The following ACTA2 variants were observed in gnomAD, a reference collection of about 807,000 sequenced individuals.
ACTA2 encodes actin alpha 2, smooth muscle, also known as actin, aortic smooth muscle.
A neutral mutation model predicts 39.5 loss-of-function variants in ACTA2; 12 were observed. The observed-to-expected ratio is 0.30, with a 90% CI of 0.19 to 0.49. ACTA2 has a LOEUF of 0.49. ACTA2 is among the 20% of genes least tolerant of loss of function. The pLI, the probability that ACTA2 is intolerant of heterozygous loss-of-function variation, is 0.99. For synonymous variants in ACTA2, 158 were observed against 180.6 expected, an observed-to-expected ratio of 0.88 and a Z score of 1.00; for missense variants, 236 against 498.8, an observed-to-expected ratio of 0.47 and a Z score of 5.02.
chr10:88,944,964 C>A (rs749179127), intron 3 of ACTA2, among the ~76,000 whole-genome samples: 11 of 152,204 alleles, frequency 7.2e-5, no homozygotes, highest in Admixed American at 1.3e-4. Context: ...TAAAGACTAT[C>A]TTATTCCACT....
chr10:88,935,085 C>G lies in ACTA2; in HGVS notation c.*138G>C. The G allele has an allele frequency of 8.0e-7, 1 of 1,253,358 alleles. No homozygotes were observed. Among genetic ancestry groups the G allele is most frequent in the Non-Finnish European group, 1.1e-6 (1 of 883,774 alleles). The allele number at this position is 1,253,358 out of a possible 1,614,324, so 77.6% of individuals were successfully genotyped here. A position where few individuals can be genotyped will look rare whatever the true frequency, so the allele number is the denominator to read the frequency against. Reference sequence around the variant, plus strand: ...GCCAACGCAAGAAGTTACCAGTAGCCTATTTCAGATTTATTAAAAAACACA... The same window carrying G: ...GCCAACGCAAGAAGTTACCAGTAGCGTATTTCAGATTTATTAAAAAACACA... On this transcript the variant is annotated 3_prime_UTR_variant, in exon 9 of 9. Coordinates refer to ENST00000224784, the MANE Select transcript of ACTA2 (RefSeq NM_001613.4).
intron 1 of ACTA2, among the ~76,000 whole-genome samples, chr10:88,960,419 C>T (rs1846207101): frequency 6.6e-6 from 1 of 152,070 alleles, no homozygotes; most frequent in South Asian, 2.1e-4. Flanking sequence ...GATCACTGCT[C>T]CTCTAAACGC....
intron 1 of ACTA2, among the ~76,000 whole-genome samples, chr10:88,962,908 GCC>G (rs751814100): frequency 1.9e-4 from 21 of 110,746 alleles, no homozygotes; most frequent in Non-Finnish European, 3.9e-4. Context: ...GCAGGGGAAT[GCC>G]CCATATATAT....
Position 88,935,370 on chromosome 10 carries a change from T to G in ACTA2, c.991-4A>C, listed in dbSNP as rs761599964. The G allele has an allele frequency of 8.7e-6, 14 of 1,613,626 alleles. No homozygotes were observed. The highest frequency in any genetic ancestry group is 1.2e-5 in the Non-Finnish European group (14 of 1,179,668). ...TGCGCTCCGGAGGGGCAATGATCTG[T>G]CAGTCAAGATGAAAAAGAATGGTCA... On this transcript the variant is annotated splice_polypyrimidine_tract_variant and splice_region_variant and intron_variant, in intron 8 of 8. Transcript: ENST00000224784.
At chr10:88,969,776 C>T (rs369443693) in intron 1 of ACTA2, among the ~76,000 whole-genome samples, 2 of 152,114 alleles carry the variant, frequency 1.3e-5, no homozygotes, top group Non-Finnish European at 1.5e-5. Flanking sequence ...TTATTTCATT[C>T]GTATACATCT....
intron 1 of ACTA2, among the ~76,000 whole-genome samples, chr10:88,963,078 C>T (rs12777240): frequency 0.41 from 61,874 of 149,720 alleles, 13,559 homozygotes; most frequent in Non-Finnish European, 0.48. Context: ...GAGAACAGCA[C>T]AGAAAAGACC....
chr10:88,954,249 C>T (rs116269507), upstream of ACTA2, among the ~76,000 whole-genome samples: 225 of 152,242 alleles, frequency 1.5e-3, 1 homozygote, highest in African/African-American at 5.3e-3. Context: ...CATATACATA[C>T]ATATATATCT....
chr10:88,948,598 T>C (rs1257948580), intron 2 of ACTA2: 1 of 625,762 alleles, frequency 1.6e-6, no homozygotes, highest in East Asian at 2.9e-5. Context: ...GGGGCAGACT[T>C]TGTATCTGAT....
upstream of ACTA2, among the ~76,000 whole-genome samples, chr10:88,955,034 G>GAAAAAAAAAAAAAAAAAAAAAAAAA (rs1846114237): frequency 1.5e-5 from 2 of 137,074 alleles, no homozygotes; most frequent in African/African-American, 2.7e-5. Context: ...AAAAAAAAAA[G>GAAAAAAAAAAAAAAAAAAAAAAAAA]AAGAAGAAGG....
chr10:88,957,095 G>C (rs781280750), upstream of ACTA2, among the ~76,000 whole-genome samples: 20 of 152,236 alleles, frequency 1.3e-4, no homozygotes, highest in Admixed American at 3.9e-4. Context: ...AGACACTTAA[G>C]ACACGGTACA....
At chr10:88,935,840 GCT>G (rs1441759460) in intron 8 of ACTA2, among the ~76,000 whole-genome samples, 10 of 152,192 alleles carry the variant, frequency 6.6e-5, no homozygotes, top group African/African-American at 2.2e-4. Flanking sequence ...TCACCCAGAT[GCT>G]CTGTTTAACA....
At chr10:88,961,566 G>A (rs2133299181) in intron 1 of ACTA2, among the ~76,000 whole-genome samples, 1 of 152,276 alleles carries the variant, frequency 6.6e-6, no homozygotes, top group Admixed American at 6.5e-5. Flanking sequence ...CACATCAGAG[G>A]AAGACATAAC....
chr10:88,937,611 C>T (rs1415096297), intron 8 of ACTA2, among the ~76,000 whole-genome samples: 5 of 152,134 alleles, frequency 3.3e-5, no homozygotes, highest in Admixed American at 2.6e-4. Flanking sequence ...GAATTCTTGG[C>T]CACAGGATTG....
At chr10:88,951,567 T>C (rs755717124) in intron 1 of ACTA2, among the ~76,000 whole-genome samples, 2 of 152,162 alleles carry the variant, frequency 1.3e-5, no homozygotes, top group Non-Finnish European at 2.9e-5. Flanking sequence ...AGCACTGTCA[T>C]TGAAGAAGTC....
intron 1 of ACTA2, among the ~76,000 whole-genome samples, chr10:88,964,086 T>C (rs1212604404): frequency 2.0e-5 from 3 of 152,040 alleles, no homozygotes; most frequent in Non-Finnish European, 4.4e-5. Context: ...GTGTATTTTG[T>C]TATATATTTT....
chr10:88,970,874 AGTGTGT>A (rs72431070), intron 1 of ACTA2, among the ~76,000 whole-genome samples: 23 of 151,362 alleles, frequency 1.5e-4, no homozygotes, highest in East Asian at 5.8e-4. Context: ...ATAATAAAAA[AGTGTGT>A]GTGTGTGTGT....
chr10:88,979,535 TG>T (rs2133344204), intron 1 of ACTA2, among the ~76,000 whole-genome samples: 1 of 152,208 alleles, frequency 6.6e-6, no homozygotes, highest in African/African-American at 2.4e-5. Flanking sequence ...TAATGAAGTA[TG>T]GGGAAAGAGA....
intron 1 of ACTA2, among the ~76,000 whole-genome samples, chr10:88,986,411 T>C (rs11202922): frequency 0.11 from 17,458 of 152,298 alleles, 1,436 homozygotes; most frequent in East Asian, 0.42. Flanking sequence ...CTAACCCAAT[T>C]GCTGTCTGCT....
chr10:88,940,023 G>T (rs1845818893), intron 6 of ACTA2: 1 of 386,816 alleles, frequency 2.6e-6, no homozygotes. Context: ...GGGTGGGTGG[G>T]CAGGATAACT....
Sources: allele counts gnomAD v4.1 joint callset (sites outside exome capture counted in the v4.1 genomes callset), GRCh38; gene constraint gnomAD v4.1.1; transcripts MANE v1.5; gene names NCBI Gene and HGNC (gene_info 2026-07-23, HGNC 2026-07-21).